UBE2E2: variants seen among roughly 807,000 people sequenced by gnomAD.
UBE2E2 encodes the protein ubiquitin-conjugating enzyme E2 E2.
UBE2E2 carries 6 observed loss-of-function variants against 24.7 expected under a neutral mutation model. The ratio of observed to expected loss-of-function variants is 0.24; its 90% confidence interval spans 0.13 to 0.48. The LOEUF (loss-of-function observed/expected upper bound fraction) is 0.48. Ranked by LOEUF, UBE2E2 falls within the 20% of genes least tolerant of loss-of-function variation. The pLI is 0.99. For synonymous variants in UBE2E2, 104 were observed against 83.6 expected (o/e 1.24, Z -1.33); for missense variants, 169 against 245.0 (o/e 0.69, Z 2.07).
At chr3:23,503,910 A>G (rs1441710668) in intron 4 of UBE2E2, among the ~76,000 whole-genome samples, 1 of 152,198 alleles carries the variant, frequency 6.6e-6, no homozygotes, top group African/African-American at 2.4e-5. Flanking sequence ...TCTGTACTTT[A>G]TTTTAAAAGT....
chr3:23,485,219 C>T (rs115563927), intron 3 of UBE2E2, among the ~76,000 whole-genome samples: 132 of 151,874 alleles, frequency 8.7e-4, no homozygotes, highest in African/African-American at 2.9e-3. Context: ...TCTCAGCCTC[C>T]CAAGTAGCTG....
At chr3:23,261,310 C>T (rs1267681677) in intron 3 of UBE2E2, among the ~76,000 whole-genome samples, 4 of 151,722 alleles carry the variant, frequency 2.6e-5, no homozygotes, top group Non-Finnish European at 5.9e-5. Context: ...CTCATTTCTC[C>T]CTCCAGCTTT....
At chr3:23,279,133 G>A (rs1304468099) in intron 3 of UBE2E2, among the ~76,000 whole-genome samples, 2 of 152,050 alleles carry the variant, frequency 1.3e-5, no homozygotes, top group Non-Finnish European at 2.9e-5. Flanking sequence ...TTTTAAAACA[G>A]TTGTCACTGT....
rs775326244 is a variant in UBE2E2 at position 23,271,065 on chromosome 3, C to A, written c.227+53753C>A. 30 of 455,026 alleles carry A rather than the reference C, an allele frequency of 6.6e-5. No individual in the cohort carries two copies. The Middle Eastern group carries it at 2.0e-3, about 30-fold the overall frequency. The allele number at this position is 455,026 out of a possible 1,614,324, so 28.2% of individuals were successfully genotyped here. On this transcript the variant is annotated intron_variant, in intron 3 of 5. Coordinates refer to ENST00000396703, the MANE Select transcript of UBE2E2 (RefSeq NM_152653.4). ...TTAACTATGACTAACATACACTAGGCACCCAAAAAGTTAAGATGATAGCAG... is the reference window on the plus strand; with the variant it reads ...TTAACTATGACTAACATACACTAGGAACCCAAAAAGTTAAGATGATAGCAG...
At chr3:23,545,437 A>G (rs568657798) in intron 5 of UBE2E2, among the ~76,000 whole-genome samples, 3 of 152,356 alleles carry the variant, frequency 2.0e-5, no homozygotes, top group East Asian at 3.9e-4. Flanking sequence ...CATCTTGCAC[A>G]ACACTTAATC....
intron 3 of UBE2E2, among the ~76,000 whole-genome samples, chr3:23,385,804 A>T (rs970605065): frequency 2.0e-5 from 3 of 152,228 alleles, no homozygotes; most frequent in Non-Finnish European, 4.4e-5. Context: ...TGAGCACATT[A>T]CATCTGTATG....
At chr3:23,240,895 T>G (rs1244531595) in intron 3 of UBE2E2, among the ~76,000 whole-genome samples, 1 of 152,220 alleles carries the variant, frequency 6.6e-6, no homozygotes, top group African/African-American at 2.4e-5. Context: ...CGGTGAAAAT[T>G]TATTATATTG....
At chr3:23,547,643 AT>A (rs747714905) in intron 5 of UBE2E2, among the ~76,000 whole-genome samples, 1 of 152,200 alleles carries the variant, frequency 6.6e-6, no homozygotes, top group Non-Finnish European at 1.5e-5. Context: ...AATTAAACAA[AT>A]GTGTTTTAAA....
At chr3:23,499,152 GAAGA>G (rs1049886584) in intron 3 of UBE2E2, among the ~76,000 whole-genome samples, 1 of 152,200 alleles carries the variant, frequency 6.6e-6, no homozygotes, top group African/African-American at 2.4e-5. Flanking sequence ...AGAAAGAAAG[GAAGA>G]TTCAGATGGG....
chr3:23,361,875 A>T (rs1003807069), intron 3 of UBE2E2, among the ~76,000 whole-genome samples: 1 of 152,332 alleles, frequency 6.6e-6, no homozygotes, highest in East Asian at 1.9e-4. Flanking sequence ...CCATAGAACC[A>T]TTTTTTAGAA....
chr3:23,352,577 A>T (rs1695787670), intron 3 of UBE2E2, among the ~76,000 whole-genome samples: 2 of 152,240 alleles, frequency 1.3e-5, no homozygotes, highest in African/African-American at 4.8e-5. Flanking sequence ...ACAGAAATGC[A>T]AACTACCATC....
chr3:23,262,471 C>T (rs13080401), intron 3 of UBE2E2, among the ~76,000 whole-genome samples: 42,614 of 151,828 alleles, frequency 0.28, 7,249 homozygotes, highest in Admixed American at 0.48. Context: ...TGTGGAGATG[C>T]GGTCTCATTA....
intron 3 of UBE2E2, among the ~76,000 whole-genome samples, chr3:23,445,745 A>G (rs889145178): frequency 6.6e-6 from 1 of 152,138 alleles, no homozygotes; most frequent in African/African-American, 2.4e-5. Flanking sequence ...CATTTCCATC[A>G]TACAACGGGT....
chr3:23,523,852 C>T (rs1213305690), intron 4 of UBE2E2, among the ~76,000 whole-genome samples: 4 of 149,806 alleles, frequency 2.7e-5, no homozygotes, highest in African/African-American at 9.9e-5. Context: ...ATACTAACAA[C>T]CTGTTTAAAT....
At chr3:23,457,526 C>CT (rs958190690) in intron 3 of UBE2E2, among the ~76,000 whole-genome samples, 9 of 151,964 alleles carry the variant, frequency 5.9e-5, no homozygotes, top group African/African-American at 9.7e-5. Context: ...TCATCTTGCA[C>CT]TTTTTTTTGT....
At chr3:23,434,235 C>G (rs1177211776) in intron 3 of UBE2E2, among the ~76,000 whole-genome samples, 1 of 152,076 alleles carries the variant, frequency 6.6e-6, no homozygotes, top group African/African-American at 2.4e-5. Flanking sequence ...TAAACTAGTG[C>G]TTAAATACTT....
chr3:23,539,409 A>G (rs6763535), intron 5 of UBE2E2, among the ~76,000 whole-genome samples: 101,012 of 152,142 alleles, frequency 0.66, 35,240 homozygotes, highest in African/African-American at 0.89. Context: ...CATATTTGCT[A>G]ACATATGGGA....
chr3:23,569,943 G>T (rs1696184332), intron 5 of UBE2E2, among the ~76,000 whole-genome samples: 1 of 152,112 alleles, frequency 6.6e-6, no homozygotes, highest in African/African-American at 2.4e-5. Context: ...ATTTTATCCA[G>T]TTACTGCCTT....
intron 5 of UBE2E2, among the ~76,000 whole-genome samples, chr3:23,549,922 A>G (rs1385126510): frequency 1.3e-5 from 2 of 151,778 alleles, no homozygotes; most frequent in African/African-American, 4.8e-5. Flanking sequence ...AATCCCAGCT[A>G]CTCAGGAGGC....
Sources: allele counts gnomAD v4.1 joint callset (sites outside exome capture counted in the v4.1 genomes callset), GRCh38; gene constraint gnomAD v4.1.1; transcripts MANE v1.5; gene names NCBI Gene and HGNC (gene_info 2026-07-23, HGNC 2026-07-21).